DGKG: variants seen among roughly 807,000 people sequenced by gnomAD.
The protein encoded by DGKG is diacylglycerol kinase gamma.
Under a neutral mutation model 105.3 loss-of-function variants are expected in DGKG, and 78 were observed. The ratio of observed to expected loss-of-function variants is 0.74; its 90% CI spans 0.62 to 0.89. The LOEUF (loss-of-function observed/expected upper bound fraction) is 0.89. Among genes scored for constraint, DGKG ranks in the 40% least tolerant of loss-of-function variants. DGKG has a pLI of 0.00. For synonymous variants in DGKG, 346 were observed against 367.1 expected, an observed-to-expected ratio of 0.94 and a Z score of 0.66; for missense variants, 958 against 1,020.1, an observed-to-expected ratio of 0.94 and a Z score of 0.83.
intron 11 of DGKG, among the ~76,000 whole-genome samples, chr3:186,270,013 G>A (rs911946374): frequency 6.6e-6 from 1 of 152,166 alleles, no homozygotes; most frequent in Admixed American, 6.5e-5. Flanking sequence ...AGAAGGAAGT[G>A]GATATGGACT....
chr3:186,209,236 G>A (rs1718908916), intron 21 of DGKG, among the ~76,000 whole-genome samples: 1 of 151,474 alleles, frequency 6.6e-6, no homozygotes, highest in Non-Finnish European at 1.5e-5. Context: ...GAGTAGCTGG[G>A]ACTACAGGCG....
chr3:186,158,214 T>C, intron 24 of DGKG: 1 of 709,884 alleles, frequency 1.4e-6, no homozygotes, highest in Non-Finnish European at 1.7e-6. Flanking sequence ...CTGCTTCTCC[T>C]AAGATTGTTT....
At chr3:186,353,294 G>A (rs1313438200) in intron 1 of DGKG, among the ~76,000 whole-genome samples, 1 of 151,980 alleles carries the variant, frequency 6.6e-6, no homozygotes, top group Non-Finnish European at 1.5e-5. Context: ...AGGTTAGGAG[G>A]GTGGATCATC....
intron 1 of DGKG, among the ~76,000 whole-genome samples, chr3:186,347,580 T>C (rs1355966798): frequency 1.3e-5 from 2 of 151,862 alleles, no homozygotes; most frequent in Admixed American, 6.6e-5. Flanking sequence ...TTTTTACGTA[T>C]TTTTTTTCTT....
chr3:186,282,813 G>T (rs1463484846), intron 7 of DGKG, among the ~76,000 whole-genome samples: 1 of 152,146 alleles, frequency 6.6e-6, no homozygotes, highest in Non-Finnish European at 1.5e-5. Context: ...ACTGCACCCA[G>T]AGTACAGTGA....
intron 21 of DGKG, among the ~76,000 whole-genome samples, chr3:186,192,977 A>T (rs1717977985): frequency 6.6e-6 from 1 of 152,176 alleles, no homozygotes; most frequent in Non-Finnish European, 1.5e-5. Flanking sequence ...CTCTATCCAT[A>T]GCCAGCTAAG....
chr3:186,327,882 C>T (rs1725424683), intron 1 of DGKG, among the ~76,000 whole-genome samples: 1 of 152,144 alleles, frequency 6.6e-6, no homozygotes, highest in African/African-American at 2.4e-5. Context: ...TCAGAAGCCT[C>T]CCTTGGCCTC....
chr3:186,361,331 C>T lies in DGKG; in HGVS notation c.-249+615G>A, dbSNP rs1044246350. On this transcript the variant is annotated intron_variant, in intron 1 of 24. Transcript: ENST00000265022. This position sits in a 1 kb window ranked among gnomAD's most constrained non-coding sequence, Gnocchi z 6.8. Reference sequence around the variant, plus strand: ...CCACAGGTGACTCCGGGTACGCACTCCTCAGGACACAAGCACACACACGGA... The same window carrying T: ...CCACAGGTGACTCCGGGTACGCACTTCTCAGGACACAAGCACACACACGGA... Among the ~76,000 whole-genome samples the T allele has an allele frequency of 4.6e-5, 7 of 152,186 alleles. No homozygotes were observed. The highest frequency in any genetic ancestry group is 3.9e-4 in the Admixed American group (6 of 15,286).
At chr3:186,272,396 G>T in intron 10 of DGKG, 53 bp from the exon 11 acceptor site, 3 of 1,317,612 alleles carry the variant, frequency 2.3e-6, no homozygotes, top group Non-Finnish European at 2.2e-6. Flanking sequence ...CGTAGGAAAG[G>T]CCCAGCTGCC....
At chr3:186,192,550 T>A (rs1392192546) in intron 21 of DGKG, among the ~76,000 whole-genome samples, 2 of 152,164 alleles carry the variant, frequency 1.3e-5, no homozygotes, top group African/African-American at 4.8e-5. Context: ...GGAGGCAGCA[T>A]TGCTACCCCC....
At chr3:186,345,776 T>C (rs1035389737) in intron 1 of DGKG, among the ~76,000 whole-genome samples, 9 of 152,242 alleles carry the variant, frequency 5.9e-5, no homozygotes, top group Admixed American at 5.9e-4. Context: ...AGTTTTGTTT[T>C]GTTTTGTTTT....
At chr3:186,195,257 C>T (rs1185705708) in intron 21 of DGKG, among the ~76,000 whole-genome samples, 1 of 151,302 alleles carries the variant, frequency 6.6e-6, no homozygotes, top group Admixed American at 6.6e-5. Context: ...TTATCACCAC[C>T]AGACTGAACT....
At chr3:186,158,670 A>G (rs916114677) in intron 24 of DGKG, 3 of 951,522 alleles carry the variant, frequency 3.2e-6, no homozygotes, top group Non-Finnish European at 3.8e-6. Flanking sequence ...CCAAGCATTT[A>G]TTTTTTTGCT....
intron 11 of DGKG, among the ~76,000 whole-genome samples, chr3:186,270,940 C>T (rs966510598): frequency 6.6e-6 from 1 of 152,184 alleles, no homozygotes; most frequent in African/African-American, 2.4e-5. Flanking sequence ...GGGCCTGCGT[C>T]CAGCAGGTAC....
chr3:186,215,681 T>C (rs1195666229), intron 20 of DGKG, among the ~76,000 whole-genome samples: 1 of 151,804 alleles, frequency 6.6e-6, no homozygotes, highest in East Asian at 2.0e-4. Flanking sequence ...TGGGGGAGAC[T>C]CACAAGCTAA....
At chr3:186,190,120 C>G (rs936141552) in intron 21 of DGKG, among the ~76,000 whole-genome samples, 8 of 152,146 alleles carry the variant, frequency 5.3e-5, no homozygotes, top group African/African-American at 1.4e-4. Flanking sequence ...GTAACTTGCC[C>G]AAAGTTCACA....
chr3:186,297,358 A>T (rs557257700), intron 5 of DGKG, 63 bp downstream of exon 5: 2 of 1,284,054 alleles, frequency 1.6e-6, no homozygotes, highest in South Asian at 2.4e-5. Flanking sequence ...AGGTTTCCCC[A>T]CTTCTCCCCA....
intron 1 of DGKG, among the ~76,000 whole-genome samples, chr3:186,357,508 G>A (rs943554545): frequency 3.9e-5 from 6 of 152,180 alleles, no homozygotes; most frequent in Admixed American, 2.0e-4. Flanking sequence ...TGTGACCATA[G>A]GCAAATTACT....
intron 2 of DGKG, among the ~76,000 whole-genome samples, 160 bp from the exon 3 acceptor site, chr3:186,307,137 C>A (rs1724286076): frequency 6.6e-6 from 1 of 152,166 alleles, no homozygotes; most frequent in Non-Finnish European, 1.5e-5. Flanking sequence ...CCTCTCACTT[C>A]TTCTTTTCCA....
Sources: gnomAD v4.1 joint callset for allele counts (sites outside exome capture counted in the v4.1 genomes callset) on GRCh38, gnomAD v4.1.1 for gene constraint, Gnocchi (gnomAD v3.1) non-coding constraint, MANE v1.5 for transcripts, NCBI Gene and HGNC (gene_info 2026-07-23, HGNC 2026-07-21) for gene names.